PRKG1: variants seen among roughly 807,000 people sequenced by gnomAD.
PRKG1 encodes the protein protein kinase cGMP-dependent 1.
PRKG1 carries 35 observed loss-of-function variants against 88.1 expected under a neutral mutation model. The ratio of observed to expected loss-of-function variants is 0.40; its 90% CI spans 0.30 to 0.53. The LOEUF (loss-of-function observed/expected upper bound fraction) is 0.53, where lower values mean the gene tolerates loss of function less well. Ranked by LOEUF, PRKG1 falls within the 20% of genes least tolerant of loss-of-function variation. PRKG1 has a pLI of 0.59. For missense variants in PRKG1, 540 were observed against 839.8 expected (o/e 0.64, Z 4.41); for synonymous variants, 303 against 292.5 (o/e 1.04, Z -0.37).
At chr10:51,744,848 T>G (rs1288749357) in intron 3 of PRKG1, among the ~76,000 whole-genome samples, 1 of 152,164 alleles carries the variant, frequency 6.6e-6, no homozygotes, top group South Asian at 2.1e-4. Context: ...GAGAGCTTCA[T>G]GAAAGATTAA....
intron 8 of PRKG1, among the ~76,000 whole-genome samples, chr10:52,148,957 C>CTTTTTTTTT (rs71904885): frequency 2.2e-4 from 12 of 55,160 alleles, no homozygotes; most frequent in East Asian, 1.8e-3. Flanking sequence ...GATAGTTTTG[C>CTTTTTTTTT]TTTTTTTTTT....
At chr10:51,628,965 CAAA>C (rs199634329) in intron 3 of PRKG1, among the ~76,000 whole-genome samples, 23 of 98,462 alleles carry the variant, frequency 2.3e-4, no homozygotes, top group East Asian at 1.0e-3. Flanking sequence ...GACTCCGTCT[CAAA>C]AAAAAAAAAA....
rs552439204 is a variant in PRKG1 at position 51,231,286 on chromosome 10, A to G, written c.478+77956A>G. ...TCGGAAACATTACTGGCAGTAAGGG[A>G]AGGTAACATGAGTTTTCAAACCAGG... On this transcript the variant is annotated intron_variant, in intron 2 of 17. Transcript: ENST00000373980. Among the ~76,000 whole-genome samples the G allele has an allele frequency of 1.8e-4, 28 of 152,300 alleles. 1 individual carries two copies. The highest frequency in any genetic ancestry group is 6.5e-4 in the African/African-American group (27 of 41,570).
intron 10 of PRKG1, chr10:52,252,781 T>C (rs1841205962): frequency 6.6e-6 from 1 of 151,628 alleles, no homozygotes; most frequent in Non-Finnish European, 1.5e-5. Context: ...TGTAGTAATA[T>C]CACCTGTGAC....
At chr10:52,045,854 C>A (rs1845851207) in intron 5 of PRKG1, among the ~76,000 whole-genome samples, 1 of 152,052 alleles carries the variant, frequency 6.6e-6, no homozygotes. Context: ...CACATTTTCA[C>A]TCCTGGGGGC....
At chr10:51,079,960 C>T (rs2131848263) in intron 1 of PRKG1, among the ~76,000 whole-genome samples, 1 of 152,282 alleles carries the variant, frequency 6.6e-6, no homozygotes, top group African/African-American at 2.4e-5. Flanking sequence ...ACTGCAGATT[C>T]CTCACATACC....
intron 2 of PRKG1, among the ~76,000 whole-genome samples, chr10:51,332,524 G>A (rs1428434234): frequency 2.0e-5 from 3 of 152,152 alleles, no homozygotes; most frequent in Non-Finnish European, 2.9e-5. Flanking sequence ...AAAACTATGA[G>A]CTATTCAATG....
chr10:51,865,563 G>GA (rs1840992747), intron 4 of PRKG1, among the ~76,000 whole-genome samples: 2 of 151,840 alleles, frequency 1.3e-5, no homozygotes, highest in South Asian at 2.1e-4. Context: ...CCTTATATTA[G>GA]AAAAAAATGT....
intron 4 of PRKG1, among the ~76,000 whole-genome samples, chr10:51,825,001 A>C (rs1047117806): frequency 6.6e-6 from 1 of 152,162 alleles, no homozygotes; most frequent in Non-Finnish European, 1.5e-5. Context: ...GATAAAAAAT[A>C]GTTTTTCTCA....
At chr10:51,626,238 C>T (rs1334101377) in intron 3 of PRKG1, among the ~76,000 whole-genome samples, 1 of 152,188 alleles carries the variant, frequency 6.6e-6, no homozygotes, top group African/African-American at 2.4e-5. Context: ...GACTGATATT[C>T]ACTCATTTTT....
chr10:51,687,963 A>G (rs958748884), intron 3 of PRKG1, among the ~76,000 whole-genome samples: 10 of 152,160 alleles, frequency 6.6e-5, no homozygotes, highest in African/African-American at 2.4e-4. Context: ...TGCTTGTCCA[A>G]TGTGGCATCT....
intron 9 of PRKG1, among the ~76,000 whole-genome samples, chr10:52,165,139 C>CAAAT (rs1339878029): frequency 1.3e-5 from 2 of 151,962 alleles, no homozygotes; most frequent in East Asian, 1.9e-4. Context: ...AGTAAATAAG[C>CAAAT]AAATAAATAA....
At chr10:51,847,865 A>AAG (rs1840442257) in intron 4 of PRKG1, among the ~76,000 whole-genome samples, 2 of 137,788 alleles carry the variant, frequency 1.5e-5, no homozygotes, top group Non-Finnish European at 3.2e-5. Context: ...AAAAAAAAAA[A>AAG]AAAAAAAAAA....
chr10:51,013,838 A>G (rs1843023366), intron 1 of PRKG1, among the ~76,000 whole-genome samples: 1 of 152,226 alleles, frequency 6.6e-6, no homozygotes, highest in Non-Finnish European at 1.5e-5. Flanking sequence ...TGCTCTCTTT[A>G]CATGATTTGA....
intron 3 of PRKG1, among the ~76,000 whole-genome samples, chr10:51,578,308 T>C (rs1334914991): frequency 6.6e-6 from 1 of 152,176 alleles, no homozygotes; most frequent in Non-Finnish European, 1.5e-5. Flanking sequence ...TTAAATGTGA[T>C]CATTTCCTTC....
chr10:51,947,119 G>T (rs1387125170), intron 5 of PRKG1, among the ~76,000 whole-genome samples: 2 of 152,092 alleles, frequency 1.3e-5, no homozygotes, highest in Non-Finnish European at 2.9e-5. Flanking sequence ...GCTCCACCCA[G>T]TTCGAGCTTC....
intron 2 of PRKG1, among the ~76,000 whole-genome samples, chr10:51,184,739 T>G (rs1398237558): frequency 1.3e-5 from 2 of 152,208 alleles, no homozygotes; most frequent in Non-Finnish European, 2.9e-5. Flanking sequence ...ATCCCTTAGC[T>G]AATGCTATAG....
intron 5 of PRKG1, among the ~76,000 whole-genome samples, chr10:52,002,035 T>C (rs1216766910): frequency 1.3e-5 from 2 of 152,046 alleles, no homozygotes; most frequent in Admixed American, 1.3e-4. Context: ...CTAATAACTA[T>C]CAGTGAGATC....
chr10:51,463,292 T>C (rs1179564393), intron 2 of PRKG1, among the ~76,000 whole-genome samples: 1 of 152,202 alleles, frequency 6.6e-6, no homozygotes, highest in African/African-American at 2.4e-5. Context: ...CAAACTGTAA[T>C]ATATAAAAAC....
Sources: allele counts gnomAD v4.1 joint callset (sites outside exome capture counted in the v4.1 genomes callset), GRCh38; gene constraint gnomAD v4.1.1; transcripts MANE v1.5; gene names NCBI Gene and HGNC (gene_info 2026-07-23, HGNC 2026-07-21).